DOCK1: variants seen among roughly 807,000 people sequenced by gnomAD.
DOCK1 encodes the protein dedicator of cytokinesis 1.
Under a neutral mutation model 262.7 loss-of-function variants are expected in DOCK1, and 138 were observed. That is an observed-to-expected ratio of 0.53 (90% CI 0.46 to 0.61). The LOEUF (loss-of-function observed/expected upper bound fraction) is 0.61, where lower values mean the gene tolerates loss of function less well. DOCK1 is among the 20% of genes least tolerant of loss of function. The pLI is 0.00. For missense variants in DOCK1, 1,908 were observed against 2,370.7 expected (o/e 0.80, Z 4.05); for synonymous variants, 866 against 867.4 (o/e 1.00, Z 0.03).
At chr10:127,325,246 TGG>T (rs144236066) in intron 29 of DOCK1, among the ~76,000 whole-genome samples, 3,290 of 152,292 alleles carry the variant, frequency 0.022, 128 homozygotes, top group African/African-American at 0.075. Context: ...TCTCATGGAA[TGG>T]GGTTTTCTGA....
At chr10:127,131,658 C>A (rs10466107) in intron 27 of DOCK1, among the ~76,000 whole-genome samples, 999 of 93,848 alleles carry the variant, frequency 0.011, 4 homozygotes, top group Admixed American at 0.022. Flanking sequence ...TAGATTTGTG[C>A]ATTAACTTTT....
chr10:127,389,035 T>A (rs1036673444), intron 38 of DOCK1, among the ~76,000 whole-genome samples: 1 of 152,216 alleles, frequency 6.6e-6, no homozygotes, highest in African/African-American at 2.4e-5. Context: ...ATAAAACTTG[T>A]TGGGCCTCAA....
At chr10:127,341,656 G>C (rs1227700760) in intron 30 of DOCK1, among the ~76,000 whole-genome samples, 2 of 152,110 alleles carry the variant, frequency 1.3e-5, no homozygotes, top group African/African-American at 4.8e-5. Flanking sequence ...CTGCTCTGGT[G>C]GGGGAGCCTG....
intron 1 of DOCK1, among the ~76,000 whole-genome samples, chr10:126,939,302 A>C (rs1182458656): frequency 1.3e-5 from 2 of 152,190 alleles, no homozygotes; most frequent in African/African-American, 4.8e-5. Flanking sequence ...GTTTCAACAC[A>C]TGAATTCTGG....
intron 27 of DOCK1, among the ~76,000 whole-genome samples, chr10:127,208,217 A>G (rs1042603468): frequency 6.6e-6 from 1 of 152,190 alleles, no homozygotes. Flanking sequence ...TGCTCCAGTT[A>G]TGGGAACTAA....
intron 18 of DOCK1, among the ~76,000 whole-genome samples, chr10:127,035,543 C>T (rs534019448): frequency 6.6e-6 from 1 of 152,220 alleles, no homozygotes; most frequent in South Asian, 2.1e-4. Flanking sequence ...GACTTTGTCT[C>T]AAACTTACAA....
At chr10:127,006,069 A>C (rs1312699809) in intron 10 of DOCK1, among the ~76,000 whole-genome samples, 1 of 152,130 alleles carries the variant, frequency 6.6e-6, no homozygotes, top group Non-Finnish European at 1.5e-5. Flanking sequence ...CTTGCGGTGT[A>C]GTAGCTACGC....
chr10:127,288,129 A>G (rs2061225032), intron 29 of DOCK1, among the ~76,000 whole-genome samples: 1 of 152,146 alleles, frequency 6.6e-6, no homozygotes, highest in Non-Finnish European at 1.5e-5. Flanking sequence ...TTTCTTTAAT[A>G]CCTTCATGAA....
chr10:126,970,567 C>G (rs2038024505), intron 1 of DOCK1, 135 bp from the exon 2 acceptor site: 2 of 648,246 alleles, frequency 3.1e-6, no homozygotes, highest in African/African-American at 1.8e-5. Context: ...CTGTGGGTAT[C>G]AGAGAGGATG....
chr10:127,142,707 C>T (rs1425481662), intron 27 of DOCK1, among the ~76,000 whole-genome samples: 1 of 152,168 alleles, frequency 6.6e-6, no homozygotes, highest in African/African-American at 2.4e-5. Flanking sequence ...TCGCTGCCTG[C>T]ACCTCCATTC....
In DOCK1 at chr10:127,447,395, C is replaced by T; in HGVS notation, c.5415C>T (p.Ser1805=). The change falls in exon 51 of 52, where the codon AGC becomes AGT. Residue 1805 remains serine, a splice_region_variant and synonymous_variant. Coordinates refer to ENST00000623213, the MANE Select transcript of DOCK1 (RefSeq NM_001290223.2). The part of the protein sequence containing the change: ...RAKLSFSMQS[S]LELNGMTGAD... ...TTTAAATAGATCCCGGTTTTCCAGG[C>T]TTGGAGCTGAACGGCATGACGGGGG... 6.2e-7 allele frequency: 1 copy of T among 1,611,906 alleles called. No individual in the cohort carries two copies. Among genetic ancestry groups the T allele is most frequent in the Middle Eastern group, 1.7e-4 (1 of 6,058 alleles).
intron 27 of DOCK1, among the ~76,000 whole-genome samples, chr10:127,226,680 G>C (rs2058653893): frequency 6.6e-6 from 1 of 152,134 alleles, no homozygotes; most frequent in African/African-American, 2.4e-5. Context: ...GGAGGCAGAG[G>C]CTGCAGTGAG....
At chr10:127,106,448 T>C in intron 24 of DOCK1, 147 bp downstream of exon 24, 1 of 763,966 alleles carries the variant, frequency 1.3e-6, no homozygotes, top group South Asian at 2.0e-5. Context: ...TTGCTGGTGG[T>C]GTCTGTGACT....
At chr10:127,017,190 T>TACACACACACGCACAC (rs139971076) in intron 12 of DOCK1, among the ~76,000 whole-genome samples, 1 of 148,936 alleles carries the variant, frequency 6.7e-6, no homozygotes, top group Non-Finnish European at 1.5e-5. Context: ...ACACCACACA[T>TACACACACACGCACAC]ACACACGCAC....
chr10:127,012,932 T>G lies in DOCK1; in HGVS notation c.1201+558T>G, dbSNP rs924700585. ...CAGGAGGGCTGCCAGGAAACAACTG[T>G]GACTGAGGCCCCGCCTCCAGCCCAA... On this transcript the variant is annotated intron_variant, in intron 12 of 51. Transcript: ENST00000623213. This position sits in a 1 kb window ranked among gnomAD's most constrained non-coding sequence, Gnocchi z 4.0. Among the ~76,000 whole-genome samples, 3 of 152,198 alleles carry G rather than the reference T, an allele frequency of 2.0e-5. No homozygotes were observed. The highest frequency in any genetic ancestry group is 7.2e-5 in the African/African-American group (3 of 41,466).
At chr10:127,091,927 C>T (rs928572) in intron 23 of DOCK1, among the ~76,000 whole-genome samples, 33,197 of 151,992 alleles carry the variant, frequency 0.22, 5,206 homozygotes, top group African/African-American at 0.45. Context: ...AAGTTGGTAC[C>T]GGGGAACCTG....
chr10:127,068,628 A>G (rs1327249756), intron 23 of DOCK1, among the ~76,000 whole-genome samples: 3 of 152,216 alleles, frequency 2.0e-5, no homozygotes, highest in Non-Finnish European at 4.4e-5. Flanking sequence ...AGAATCATTT[A>G]TCACCCTACC....
chr10:126,908,325 C>T (rs1375303268), intron 1 of DOCK1, among the ~76,000 whole-genome samples: 2 of 152,140 alleles, frequency 1.3e-5, no homozygotes, highest in Non-Finnish European at 2.9e-5. Context: ...ACTGGAGGAC[C>T]CCTCCACCAT....
At position 127,021,313 on chromosome 10, in the gene DOCK1, G is replaced by A. The variant is rs528724799; in HGVS notation, c.1328-1887G>A. 3.7e-3 allele frequency among the ~76,000 whole-genome samples: 560 copies of A among 152,220 alleles called. 4 individuals are homozygous for A. The highest frequency in any genetic ancestry group is 0.024 in the Middle Eastern group (7 of 294). On this transcript the variant is annotated intron_variant, in intron 13 of 51. Transcript: ENST00000623213. ...CCGGAGTAGCTGAGATTACAGGCACGCACTACCATGCCTGGCTAATCTTTT... is the reference window on the plus strand; with the variant it reads ...CCGGAGTAGCTGAGATTACAGGCACACACTACCATGCCTGGCTAATCTTTT...
Sources: allele counts gnomAD v4.1 joint callset (sites outside exome capture counted in the v4.1 genomes callset), GRCh38; gene constraint gnomAD v4.1.1; non-coding constraint Gnocchi (gnomAD v3.1); transcripts MANE v1.5; gene names NCBI Gene and HGNC (gene_info 2026-07-23, HGNC 2026-07-21).